STK3: variants seen among roughly 807,000 people sequenced by gnomAD.
STK3 encodes the protein serine/threonine kinase 3.
In STK3, 41 loss-of-function variants were observed where a neutral mutation model predicts 58.0. The observed-to-expected ratio is 0.71, with a 90% CI of 0.55 to 0.92. The LOEUF is 0.92. Among genes scored for constraint, STK3 ranks in the 40% least tolerant of loss-of-function variants. The pLI, the probability that STK3 is intolerant of heterozygous loss-of-function variation, is 0.00. For synonymous variants in STK3, 170 were observed against 191.0 expected (o/e 0.89, Z 0.91); for missense variants, 479 against 602.7 (o/e 0.79, Z 2.15).
chr8:98,842,793 G>C (rs1836046737), intron 3 of STK3, among the ~76,000 whole-genome samples: 1 of 152,224 alleles, frequency 6.6e-6, no homozygotes, highest in African/African-American at 2.4e-5. Context: ...TTGAGCTCAG[G>C]AGTTTGAGAC....
chr8:98,715,009 C>A (rs187478905), intron 4 of STK3, among the ~76,000 whole-genome samples: 3 of 152,222 alleles, frequency 2.0e-5, no homozygotes, highest in East Asian at 3.9e-4. Flanking sequence ...TTTGACAAAC[C>A]TGACAAAAAC....
chr8:98,842,609 T>C (rs752914244), intron 3 of STK3, among the ~76,000 whole-genome samples: 4 of 151,966 alleles, frequency 2.6e-5, no homozygotes, highest in African/African-American at 9.7e-5. Flanking sequence ...GCCTGGGAGG[T>C]TGAGGCTGCA....
intron 6 of STK3, among the ~76,000 whole-genome samples, chr8:98,634,149 G>A (rs770568652): frequency 3.9e-5 from 6 of 152,124 alleles, no homozygotes; most frequent in Non-Finnish European, 7.4e-5. Flanking sequence ...CAGTGGAGCT[G>A]GACAGGAAGG....
At chr8:98,888,310 C>A (rs762652822) in intron 1 of STK3, among the ~76,000 whole-genome samples, 2 of 152,074 alleles carry the variant, frequency 1.3e-5, no homozygotes, top group Non-Finnish European at 1.5e-5. Context: ...CAGAGTGAGA[C>A]TCTGTCTCAA....
chr8:98,426,833 G>T (rs1252558640), intron 3 of STK3, among the ~76,000 whole-genome samples: 1 of 152,088 alleles, frequency 6.6e-6, no homozygotes, highest in Admixed American at 6.5e-5. Flanking sequence ...TCGGCCCCGC[G>T]CCGAGCCGGG....
At chr8:98,400,284 A>C (rs1314991595), downstream of STK3, among the ~76,000 whole-genome samples, 1 of 152,220 alleles carries the variant, frequency 6.6e-6, no homozygotes, top group Non-Finnish European at 1.5e-5. Flanking sequence ...CAAGCCCGTG[A>C]GCCCTGGACT....
chr8:98,888,125 C>T (rs549955084), intron 1 of STK3, among the ~76,000 whole-genome samples: 12 of 152,164 alleles, frequency 7.9e-5, no homozygotes, highest in Middle Eastern at 3.4e-3. Context: ...TCGAGAACAG[C>T]CTGGCCAACA....
At chr8:98,717,613 T>C (rs1827114574) in intron 4 of STK3, among the ~76,000 whole-genome samples, 1 of 152,188 alleles carries the variant, frequency 6.6e-6, no homozygotes. Flanking sequence ...AGTATGAAGA[T>C]TCCTTTAAAA....
intron 1 of STK3, among the ~76,000 whole-genome samples, chr8:98,445,921 GTTAAT>G (rs1017400359): frequency 9.2e-5 from 14 of 152,190 alleles, no homozygotes; most frequent in Admixed American, 3.9e-4. Flanking sequence ...TCCAACTGGT[GTTAAT>G]TTATCTGGAA....
At chr8:98,877,483 GT>G (rs202159618) in intron 3 of STK3, among the ~76,000 whole-genome samples, 2 of 151,848 alleles carry the variant, frequency 1.3e-5, no homozygotes, top group South Asian at 2.1e-4. Flanking sequence ...TTTTTTGTTT[GT>G]TTTTTTGGTT....
At chr8:98,663,504 A>T (rs572809826) in intron 6 of STK3, among the ~76,000 whole-genome samples, 1 of 152,336 alleles carries the variant, frequency 6.6e-6, no homozygotes, top group East Asian at 1.9e-4. Context: ...CATTTGACCC[A>T]GCCATCCCAT....
chr8:98,574,358 C>T (rs2131700650), intron 8 of STK3, among the ~76,000 whole-genome samples: 1 of 152,274 alleles, frequency 6.6e-6, no homozygotes, highest in East Asian at 1.9e-4. Context: ...AGTTATGAGA[C>T]AGCTTGCAAG....
chr8:98,569,500 G>A (rs866243781), intron 8 of STK3, among the ~76,000 whole-genome samples: 4 of 151,906 alleles, frequency 2.6e-5, no homozygotes, highest in Middle Eastern at 3.4e-3. Context: ...AAAAAAGTAC[G>A]GCATTAATAA....
intron 6 of STK3, among the ~76,000 whole-genome samples, chr8:98,627,368 GC>G (rs1379388700): frequency 6.6e-6 from 1 of 151,882 alleles, no homozygotes; most frequent in Non-Finnish European, 1.5e-5. Context: ...ATAAAAATTA[GC>G]CAAGCGTGGT....
intron 10 of STK3, among the ~76,000 whole-genome samples, chr8:98,489,648 T>C (rs766220751): frequency 2.0e-5 from 3 of 152,138 alleles, no homozygotes; most frequent in Admixed American, 6.6e-5. Context: ...ATTTAGCCGA[T>C]TGTACCAACA....
At chr8:98,413,933 T>C in intron 3 of STK3, 1 of 414,738 alleles carries the variant, frequency 2.4e-6, no homozygotes, top group South Asian at 2.3e-5. Context: ...TGATTCTGTG[T>C]GTGGTACTGA....
intron 10 of STK3, among the ~76,000 whole-genome samples, chr8:98,520,548 AT>A (rs1378179650): frequency 6.0e-5 from 9 of 150,892 alleles, no homozygotes; most frequent in Non-Finnish European, 1.0e-4. Context: ...GTTCTCTTTC[AT>A]TTTTTTTTCT....
intron 3 of STK3, among the ~76,000 whole-genome samples, chr8:98,396,139 C>T (rs1817895526): frequency 6.6e-6 from 1 of 152,154 alleles, no homozygotes; most frequent in South Asian, 2.1e-4. Context: ...AGACTCTATC[C>T]AATTCTTCTT....
chr8:98,359,522 C>CAA, the STK3 span, among the ~76,000 whole-genome samples: 102 of 114,494 alleles, frequency 8.9e-4, no homozygotes, highest in African/African-American at 2.6e-3. Context: ...GACTCTGGCT[C>CAA]AAAAAAAAAA....
Sources: gnomAD v4.1 joint callset for allele counts (sites outside exome capture counted in the v4.1 genomes callset) on GRCh38, gnomAD v4.1.1 for gene constraint, MANE v1.5 for transcripts, NCBI Gene and HGNC (gene_info 2026-07-23, HGNC 2026-07-21) for gene names.